C2CD5: variants seen among roughly 807,000 people sequenced by gnomAD.
C2CD5 encodes the protein C2 domain-containing protein 5.
A neutral mutation model predicts 130.3 loss-of-function variants in C2CD5; 109 were observed. The ratio of observed to expected loss-of-function variants is 0.84; its 90% CI spans 0.72 to 0.98. C2CD5 has a LOEUF of 0.98. Ranked by LOEUF, C2CD5 falls within the 50% of genes least tolerant of loss-of-function variation. The pLI, the probability that C2CD5 is intolerant of heterozygous loss-of-function variation, is 0.00. For synonymous variants in C2CD5, 454 were observed against 429.2 expected (o/e 1.06, Z -0.71); for missense variants, 996 against 1,261.8 (o/e 0.79, Z 3.19).
intron 4 of C2CD5, among the ~76,000 whole-genome samples, chr12:22,526,643 G>A (rs372023372): frequency 1.1e-4 from 17 of 152,276 alleles, no homozygotes; most frequent in African/African-American, 3.6e-4. Flanking sequence ...AGGCAAGGCA[G>A]GAGGACAGCT....
chr12:22,517,553 T>A (rs150260307), intron 8 of C2CD5, among the ~76,000 whole-genome samples: 137 of 152,256 alleles, frequency 9.0e-4, no homozygotes, highest in African/African-American at 3.2e-3. Flanking sequence ...TACTCTAATA[T>A]AACCATTTCA....
intron 7 of C2CD5, 101 bp from the exon 8 acceptor site, chr12:22,518,238 G>C: frequency 3.6e-6 from 4 of 1,117,988 alleles, no homozygotes; most frequent in Non-Finnish European, 4.1e-6. Context: ...GGCAGGGCCA[G>C]CAGTCATTTC....
intron 26 of C2CD5, among the ~76,000 whole-genome samples, chr12:22,453,655 A>G (rs1403278901): frequency 6.6e-6 from 1 of 152,224 alleles, no homozygotes; most frequent in Non-Finnish European, 1.5e-5. Context: ...ACAGTAACTC[A>G]GGAGCACAAA....
rs934145848 is a variant in C2CD5, at chr12:22,490,152, A to G, written c.1329T>C (p.Asp443=). 1.2e-6 allele frequency: 2 copies of G among 1,613,792 alleles called. No individual in the cohort carries two copies. Among genetic ancestry groups the G allele is most frequent in the Admixed American group, 3.3e-5 (2 of 60,000 alleles). The change falls in exon 12 of 27, where the codon GAT becomes GAC. Residue 443 remains aspartate (D), a synonymous_variant. Coordinates refer to ENST00000446597, the MANE Select transcript of C2CD5 (RefSeq NM_001286176.2). ...AAVLNPRFLQ[D]GTVEGCLEQR... ...GTTCCAAACAGCCTTCCACGGTGCC[A>G]TCCTGCAGAAATCTAGGATTCAGTA...
At chr12:22,493,456 T>A in intron 10 of C2CD5, 119 bp from the exon 11 acceptor site, 1 of 549,276 alleles carries the variant, frequency 1.8e-6, no homozygotes, top group Non-Finnish European at 3.2e-6. Context: ...AATGGATTTT[T>A]AAACTTCCCA....
At chr12:22,513,084 C>A (rs974902962) in intron 9 of C2CD5, among the ~76,000 whole-genome samples, 8 of 151,878 alleles carry the variant, frequency 5.3e-5, no homozygotes, top group African/African-American at 1.9e-4. Context: ...TTAAACAAGA[C>A]AAAAATTATT....
intron 22 of C2CD5, 136 bp downstream of exon 22, chr12:22,469,573 A>C: frequency 2.0e-6 from 1 of 497,956 alleles, no homozygotes; most frequent in South Asian, 3.9e-5. Context: ...CCCCTTTATG[A>C]ATATGAAGAA....
At position 22,483,550 on chromosome 12, in the gene C2CD5, T is replaced by C. The variant is rs1945031876; in HGVS notation, c.1551-807A>G. 2.0e-5 allele frequency among the ~76,000 whole-genome samples: 3 copies of C among 152,184 alleles called. No individual in the cohort carries two copies. In the South Asian group the frequency reaches 6.2e-4, roughly 32 times the overall value. On this transcript the variant is annotated intron_variant, in intron 13 of 26. Transcript: ENST00000446597. ...AAGATAAAAGTAAAATAAACACATT[T>C]TTCAGACAGACAAAAAAAATAGCTC...
intron 10 of C2CD5, among the ~76,000 whole-genome samples, chr12:22,502,566 T>C (rs562029014): frequency 6.6e-6 from 1 of 152,288 alleles, no homozygotes; most frequent in African/African-American, 2.4e-5. Flanking sequence ...TTAACACATT[T>C]TTATATTTGT....
intron 14 of C2CD5, among the ~76,000 whole-genome samples, chr12:22,480,091 C>CT (rs891292252): frequency 5.3e-5 from 8 of 152,280 alleles, no homozygotes; most frequent in Admixed American, 2.6e-4. Context: ...GACCCAATCT[C>CT]TAATATTCAA....
chr12:22,533,956 C>A (rs1951565357), intron 3 of C2CD5, among the ~76,000 whole-genome samples: 1 of 152,188 alleles, frequency 6.6e-6, no homozygotes. Flanking sequence ...GAGGCCAAGG[C>A]AGGCAGATCA....
chr12:22,512,616 A>C (rs1263301644), intron 9 of C2CD5: 6 of 1,408,786 alleles, frequency 4.3e-6, no homozygotes, highest in Non-Finnish European at 5.7e-6. Flanking sequence ...AATACAAGAA[A>C]TAGGCTCTCA....
intron 9 of C2CD5, among the ~76,000 whole-genome samples, chr12:22,507,479 A>C (rs1037666653): frequency 1.3e-4 from 20 of 152,218 alleles, no homozygotes; most frequent in African/African-American, 4.8e-4. Context: ...GAAGGCAATA[A>C]AATTCCACAA....
intron 3 of C2CD5, among the ~76,000 whole-genome samples, chr12:22,529,918 G>A (rs1300808892): frequency 1.3e-5 from 2 of 151,670 alleles, no homozygotes; most frequent in Non-Finnish European, 2.9e-5. Context: ...GAGCCAAAAG[G>A]ACCTTGAATC....
At chr12:22,508,580 T>C (rs1178774341) in intron 9 of C2CD5, among the ~76,000 whole-genome samples, 2 of 152,142 alleles carry the variant, frequency 1.3e-5, no homozygotes, top group Non-Finnish European at 2.9e-5. Flanking sequence ...TTCGAATGGA[T>C]TTATTGTTAG....
chr12:22,544,197 C>A lies in C2CD5; in HGVS notation c.-29-18G>T. 1 of 1,573,140 alleles carries A rather than the reference C, an allele frequency of 6.4e-7. No individual in the cohort carries two copies. The highest frequency in any genetic ancestry group is 8.7e-7 in the Non-Finnish European group (1 of 1,145,890). On this transcript the variant is annotated intron_variant, in intron 1 of 26. Transcript: ENST00000446597. ...TTGGGCTCCTGCAGAAACAAACAAA[C>A]GAGTCTGCGCCGAGCGCGGGGCCGG...
chr12:22,473,920 A>C (rs1420337137), intron 16 of C2CD5, among the ~76,000 whole-genome samples: 1 of 152,062 alleles, frequency 6.6e-6, no homozygotes, highest in Non-Finnish European at 1.5e-5. Context: ...GTGGGGAAAA[A>C]GTGGGGGGCA....
chr12:22,516,317 T>C (rs1949716177), intron 8 of C2CD5, among the ~76,000 whole-genome samples: 1 of 151,780 alleles, frequency 6.6e-6, no homozygotes, highest in African/African-American at 2.4e-5. Context: ...TAGGGACTCA[T>C]AATATAAGGC....
rs149622935 is a variant in C2CD5 at position 22,518,572 on chromosome 12, TAGC to T, written c.801-438_801-436del. 1.0e-2 allele frequency among the ~76,000 whole-genome samples: 1,522 copies of T among 152,306 alleles called. 32 individuals are homozygous for T. Among genetic ancestry groups the T allele is most frequent in the African/African-American group, 0.035 (1,437 of 41,566 alleles). On this transcript the variant is annotated intron_variant, in intron 7 of 26. Coordinates refer to ENST00000446597, the MANE Select transcript of C2CD5 (RefSeq NM_001286176.2). The stretch of plus-strand genomic sequence containing the variant: ...AAGAAAAAAATGTTTCCTTATCCTA[TAGC>T]AGCAAGAGTGCCACAGCTAAAAACA...
Sources: allele counts gnomAD v4.1 joint callset (sites outside exome capture counted in the v4.1 genomes callset), GRCh38; gene constraint gnomAD v4.1.1; transcripts MANE v1.5; gene names NCBI Gene and HGNC (gene_info 2026-07-23, HGNC 2026-07-21).